The following TAFA2 variants were observed in gnomAD, a reference collection of about 807,000 sequenced individuals.
TAFA2 encodes TAFA chemokine like family member 2.
In TAFA2, 7 loss-of-function variants were observed where a neutral mutation model predicts 18.8. The ratio of observed to expected loss-of-function variants is 0.37; its 90% confidence interval spans 0.21 to 0.70. TAFA2 has a LOEUF of 0.70. Among genes scored for constraint, TAFA2 ranks in the 30% least tolerant of loss-of-function variants. The pLI is 0.53. For missense variants in TAFA2, 122 were observed against 158.1 expected (o/e 0.77, Z 1.23); for synonymous variants, 60 against 54.2 (o/e 1.11, Z -0.47).
At chr12:62,159,207 C>G (rs1327665192) in intron 1 of TAFA2, among the ~76,000 whole-genome samples, 3 of 152,174 alleles carry the variant, frequency 2.0e-5, no homozygotes, top group Admixed American at 6.5e-5. Flanking sequence ...AGCATTGCCA[C>G]ATGCAGAGTC....
chr12:62,179,758 G>C (rs2062539228), intron 1 of TAFA2, among the ~76,000 whole-genome samples: 1 of 151,974 alleles, frequency 6.6e-6, no homozygotes, highest in Non-Finnish European at 1.5e-5. Flanking sequence ...GAGAAATCTA[G>C]AACAAACTTC....
At chr12:61,824,271 T>C (rs1872445297) in intron 2 of TAFA2, among the ~76,000 whole-genome samples, 1 of 152,112 alleles carries the variant, frequency 6.6e-6, no homozygotes, top group Admixed American at 6.5e-5. Context: ...AACATGTGAG[T>C]TGCAGACTGG....
chr12:62,021,141 G>A (rs778098216), intron 1 of TAFA2, among the ~76,000 whole-genome samples: 4 of 152,122 alleles, frequency 2.6e-5, no homozygotes, highest in Admixed American at 6.5e-5. Flanking sequence ...TTATGGAGAC[G>A]AACAGAGAAA....
Position 62,153,713 on chromosome 12 carries a change from T to C in TAFA2, c.-2+37546A>G, listed in dbSNP as rs538373555. Among the ~76,000 whole-genome samples the C allele has an allele frequency of 2.1e-4, 31 of 150,740 alleles. 1 individual carries two copies. In the East Asian group the frequency reaches 4.9e-3, roughly 24 times the overall value. The stretch of plus-strand genomic sequence containing the variant: ...CAATTGTGTGCTATAAATAAAGCAA[T>C]GTCGTATAGTGGAAAAGAGTATAGG... On this transcript the variant is annotated intron_variant, in intron 1 of 4. Transcript: ENST00000416284.
At chr12:61,805,117 A>T (rs987090261) in intron 2 of TAFA2, among the ~76,000 whole-genome samples, 4 of 152,052 alleles carry the variant, frequency 2.6e-5, no homozygotes, top group African/African-American at 9.7e-5. Flanking sequence ...AAAAGGGTAT[A>T]TGTCTGGTAT....
At chr12:61,815,491 G>A (rs898836303) in intron 2 of TAFA2, among the ~76,000 whole-genome samples, 4 of 150,762 alleles carry the variant, frequency 2.7e-5, no homozygotes, top group South Asian at 2.1e-4. Context: ...GTGAAACCCC[G>A]TCTCTACTAA....
intron 1 of TAFA2, among the ~76,000 whole-genome samples, chr12:62,147,334 A>ATATATATATGTG (rs1565760175): frequency 6.8e-5 from 4 of 59,086 alleles, no homozygotes; most frequent in Non-Finnish European, 1.3e-4. Flanking sequence ...ATGTATATAT[A>ATATATATATGTG]TATATATATA....
At chr12:61,973,556 T>A (rs1434095168) in intron 1 of TAFA2, among the ~76,000 whole-genome samples, 1 of 151,650 alleles carries the variant, frequency 6.6e-6, no homozygotes, top group African/African-American at 2.4e-5. Flanking sequence ...TTTAAAAATT[T>A]CAAATCCCAA....
At chr12:61,823,971 G>T (rs758455876) in intron 2 of TAFA2, among the ~76,000 whole-genome samples, 6 of 152,070 alleles carry the variant, frequency 3.9e-5, no homozygotes, top group Non-Finnish European at 8.8e-5. Flanking sequence ...GTGTGAGACC[G>T]GTGATTTGAT....
rs57677645 is a variant in TAFA2, at chr12:62,207,471, A to AAC, written c.-130+51290_-130+51291dup. ...TAAAATTATCCCTCTTTCACACACA[A>AAC]ACACACACACACACACACATACACG... On this transcript the variant is annotated intron_variant, in intron 1 of 5. Transcript: ENST00000551619. Among the ~76,000 whole-genome samples the AAC allele has an allele frequency of 7.1e-3, 1,057 of 149,632 alleles. 11 individuals are homozygous for AAC. The highest frequency in any genetic ancestry group is 0.028 in the South Asian group (131 of 4,754).
At chr12:62,014,692 C>A (rs891279763) in intron 1 of TAFA2, among the ~76,000 whole-genome samples, 32 of 152,034 alleles carry the variant, frequency 2.1e-4, no homozygotes, top group Admixed American at 1.8e-3. Flanking sequence ...TTCTTGGCTG[C>A]CATAGTTAAA....
intron 1 of TAFA2, among the ~76,000 whole-genome samples, chr12:62,230,670 C>G (rs2062808438): frequency 2.0e-5 from 3 of 151,854 alleles, no homozygotes; most frequent in Admixed American, 2.0e-4. Context: ...TTTGGTTTTT[C>G]TTTGTTTGTT....
chr12:61,808,337 G>A (rs1055347280), intron 2 of TAFA2, among the ~76,000 whole-genome samples: 2 of 151,518 alleles, frequency 1.3e-5, no homozygotes, highest in South Asian at 2.1e-4. Flanking sequence ...GCACCAAATG[G>A]TCAATAAACC....
intron 1 of TAFA2, among the ~76,000 whole-genome samples, chr12:62,230,639 T>A (rs1407617527): frequency 6.6e-6 from 1 of 152,202 alleles, no homozygotes; most frequent in African/African-American, 2.4e-5. Flanking sequence ...ATAAGGTCTA[T>A]TCTAAAGAAT....
intron 1 of TAFA2, among the ~76,000 whole-genome samples, chr12:62,094,201 T>C (rs1215572511): frequency 6.6e-6 from 1 of 152,126 alleles, no homozygotes; most frequent in Non-Finnish European, 1.5e-5. Context: ...CTTAGCTTTT[T>C]ATTAAGAAAT....
intron 4 of TAFA2, among the ~76,000 whole-genome samples, chr12:61,744,610 A>G (rs1224676474): frequency 2.0e-5 from 3 of 152,138 alleles, no homozygotes; most frequent in Non-Finnish European, 4.4e-5. Flanking sequence ...GCTAGAGTTC[A>G]GTGGCACAAT....
At position 62,123,889 on chromosome 12, in the gene TAFA2, G is replaced by T. The variant is rs138998765; in HGVS notation, c.-2+67370C>A. On this transcript the variant is annotated intron_variant, in intron 1 of 4. Coordinates refer to ENST00000416284, the MANE Select transcript of TAFA2 (RefSeq NM_178539.5). ...TGGTTCATGAACTTGGGCTCCCTCT[G>T]CTGGGTCTGCAGCAGTACAACAGAC... 1.6e-4 allele frequency among the ~76,000 whole-genome samples: 24 copies of T among 151,906 alleles called. No homozygotes were observed. In the East Asian group the frequency reaches 4.7e-3, roughly 29 times the overall value.
intron 1 of TAFA2, among the ~76,000 whole-genome samples, chr12:62,185,274 T>A (rs1157568728): frequency 6.6e-6 from 1 of 152,244 alleles, no homozygotes; most frequent in East Asian, 1.9e-4. Context: ...ATGGGGCCTC[T>A]GTTTTGTGGA....
chr12:61,794,098 A>G (rs935541292), intron 2 of TAFA2, among the ~76,000 whole-genome samples: 5 of 151,966 alleles, frequency 3.3e-5, no homozygotes, highest in Non-Finnish European at 7.4e-5. Context: ...ACTATCATAC[A>G]TAATCCTGAG....
Sources: allele counts gnomAD v4.1 joint callset (sites outside exome capture counted in the v4.1 genomes callset), GRCh38; gene constraint gnomAD v4.1.1; transcripts MANE v1.5; gene names NCBI Gene and HGNC (gene_info 2026-07-23, HGNC 2026-07-21).